ZFPM2: variants seen among roughly 807,000 people sequenced by gnomAD.
ZFPM2 encodes the protein zinc finger protein ZFPM2.
A neutral mutation model predicts 98.6 loss-of-function variants in ZFPM2; 20 were observed. The observed-to-expected ratio is 0.20, with a 90% confidence interval of 0.14 to 0.29. The LOEUF (loss-of-function observed/expected upper bound fraction) is 0.29, where lower values mean the gene tolerates loss of function less well. Ranked by LOEUF, ZFPM2 falls within the 10% of genes least tolerant of loss-of-function variation. ZFPM2 has a pLI of 1.00. For synonymous variants in ZFPM2, 518 were observed against 502.7 expected (o/e 1.03, Z -0.41); for missense variants, 1,310 against 1,388.6 (o/e 0.94, Z 0.90).
At chr8:105,475,355 A>C (rs1175584901) in intron 3 of ZFPM2, among the ~76,000 whole-genome samples, 1 of 152,204 alleles carries the variant, frequency 6.6e-6, no homozygotes, top group Non-Finnish European at 1.5e-5. Context: ...TTGACCTAGA[A>C]ATTAGGAAAC....
At chr8:105,637,698 A>G (rs1816874223) in intron 5 of ZFPM2, among the ~76,000 whole-genome samples, 1 of 152,056 alleles carries the variant, frequency 6.6e-6, no homozygotes, top group Non-Finnish European at 1.5e-5. Flanking sequence ...TGTTTGGATC[A>G]TGGAAAATAT....
intron 4 of ZFPM2, among the ~76,000 whole-genome samples, chr8:105,621,887 T>C (rs1402642213): frequency 1.3e-5 from 2 of 152,122 alleles, no homozygotes; most frequent in African/African-American, 2.4e-5. Flanking sequence ...CTAGGGTGCA[T>C]GTGCACAATG....
intron 4 of ZFPM2, among the ~76,000 whole-genome samples, chr8:105,573,458 A>G (rs545187299): frequency 6.6e-6 from 1 of 152,338 alleles, no homozygotes; most frequent in East Asian, 1.9e-4. Flanking sequence ...GGGAGCAATC[A>G]CAAAAGAAAA....
intron 1 of ZFPM2, among the ~76,000 whole-genome samples, chr8:105,347,626 G>C (rs537717869): frequency 2.2e-4 from 33 of 152,190 alleles, no homozygotes; most frequent in South Asian, 1.9e-3. Flanking sequence ...CAACCCCAAG[G>C]TGGCATGTGA....
intron 2 of ZFPM2, among the ~76,000 whole-genome samples, chr8:105,420,885 T>C (rs1354370627): frequency 6.6e-6 from 1 of 152,152 alleles, no homozygotes; most frequent in Non-Finnish European, 1.5e-5. Context: ...TTTATACCTT[T>C]TGTCAATTTA....
chr8:105,670,340 C>CA (rs1817568510), intron 5 of ZFPM2, among the ~76,000 whole-genome samples: 1 of 151,666 alleles, frequency 6.6e-6, no homozygotes, highest in Admixed American at 6.6e-5. Context: ...ACTAAAAATG[C>CA]AAAAAATTAG....
intron 5 of ZFPM2, among the ~76,000 whole-genome samples, chr8:105,651,428 A>G (rs1817173065): frequency 6.7e-6 from 1 of 149,622 alleles, no homozygotes; most frequent in South Asian, 2.1e-4. Flanking sequence ...AAATTGCACC[A>G]CTGCACTCTA....
In ZFPM2 at chr8:105,318,808, C is replaced by G; in HGVS notation, c.-134C>G. ...TCCCGGAGGAGCCCAGCGCCCGGAG[C>G]ACCTGGAGTCCGGCCGGCGGCGGGC... On this transcript the variant is annotated 5_prime_UTR_variant, in exon 1 of 8. Transcript: ENST00000407775. 1 of 316,896 alleles carries G rather than the reference C, an allele frequency of 3.2e-6. No homozygotes were observed. Among genetic ancestry groups the G allele is most frequent in the Non-Finnish European group, 4.5e-6 (1 of 219,798 alleles). 19.6% of individuals were successfully genotyped at this position (316,896 alleles called of 1,614,324 possible).
At chr8:105,638,563 C>T (rs1816892560) in intron 5 of ZFPM2, among the ~76,000 whole-genome samples, 1 of 152,098 alleles carries the variant, frequency 6.6e-6, no homozygotes. Flanking sequence ...TATCTGAGAA[C>T]ATATCAGTAT....
At chr8:105,517,707 C>CACCACACACACACACACACACACCACA (rs61552974) in intron 3 of ZFPM2, among the ~76,000 whole-genome samples, 8 of 124,980 alleles carry the variant, frequency 6.4e-5, no homozygotes, top group African/African-American at 2.0e-4. Flanking sequence ...CACACACACA[C>CACCACACACACACACACACACACCACA]CACACACACA....
chr8:105,589,893 T>C (rs1418911946), intron 4 of ZFPM2, among the ~76,000 whole-genome samples: 1 of 136,056 alleles, frequency 7.3e-6, no homozygotes, highest in Non-Finnish European at 1.7e-5. Flanking sequence ...GGCTAATTTT[T>C]GTATTTTTTA....
At chr8:105,792,835 T>C (rs1371959372) in intron 6 of ZFPM2, among the ~76,000 whole-genome samples, 2 of 152,238 alleles carry the variant, frequency 1.3e-5, no homozygotes, top group Non-Finnish European at 2.9e-5. Flanking sequence ...TTTACCATTA[T>C]GTAATGGCCT....
intron 4 of ZFPM2, among the ~76,000 whole-genome samples, chr8:105,617,032 A>G (rs1457924479): frequency 3.9e-5 from 3 of 75,978 alleles, no homozygotes; most frequent in Non-Finnish European, 8.9e-5. Flanking sequence ...AAAAAAAAAA[A>G]AAAAAAAAAA....
chr8:105,621,499 C>T (rs1156273816), intron 4 of ZFPM2, among the ~76,000 whole-genome samples: 1 of 152,124 alleles, frequency 6.6e-6, no homozygotes, highest in Admixed American at 6.5e-5. Flanking sequence ...TCCTCTTGTC[C>T]TAATTGAATA....
intron 3 of ZFPM2, among the ~76,000 whole-genome samples, chr8:105,454,695 C>T (rs930289870): frequency 6.6e-6 from 1 of 152,130 alleles, no homozygotes; most frequent in Non-Finnish European, 1.5e-5. Flanking sequence ...AATGTATTAG[C>T]TAAAATTATT....
chr8:105,487,004 G>A (rs1259537442), intron 3 of ZFPM2, among the ~76,000 whole-genome samples: 1 of 152,166 alleles, frequency 6.6e-6, no homozygotes, highest in East Asian at 1.9e-4. Context: ...GTCTGATGAA[G>A]TACTCACAGT....
intron 5 of ZFPM2, among the ~76,000 whole-genome samples, chr8:105,769,744 G>T (rs1359868316): frequency 6.6e-6 from 1 of 151,860 alleles, no homozygotes; most frequent in African/African-American, 2.4e-5. Context: ...TACCTCTGTT[G>T]AAATCCTTTT....
chr8:105,618,458 T>A (rs1447638585), intron 4 of ZFPM2, among the ~76,000 whole-genome samples: 1 of 152,164 alleles, frequency 6.6e-6, no homozygotes. Context: ...GCACCTAGAA[T>A]TTTAGTACTT....
At chr8:105,596,011 AAAAAAAC>A (rs994842791) in intron 4 of ZFPM2, among the ~76,000 whole-genome samples, 3 of 151,424 alleles carry the variant, frequency 2.0e-5, no homozygotes, top group Non-Finnish European at 4.4e-5. Flanking sequence ...CTGAAAAAAA[AAAAAAAC>A]CAACAACAAA....
Sources: gnomAD v4.1 joint callset for allele counts (sites outside exome capture counted in the v4.1 genomes callset) on GRCh38, gnomAD v4.1.1 for gene constraint, MANE v1.5 for transcripts, NCBI Gene and HGNC (gene_info 2026-07-23, HGNC 2026-07-21) for gene names.